The following ACTN1 variants were observed in gnomAD, a reference collection of about 807,000 sequenced individuals.
ACTN1 encodes alpha-actinin-1.
In ACTN1, 30 loss-of-function variants were observed where a neutral mutation model predicts 119.6. The ratio of observed to expected loss-of-function variants is 0.25; its 90% confidence interval spans 0.19 to 0.34. The LOEUF (loss-of-function observed/expected upper bound fraction) is 0.34, where lower values mean the gene tolerates loss of function less well. Ranked by LOEUF, ACTN1 falls within the 10% of genes least tolerant of loss-of-function variation. The pLI, the probability that ACTN1 is intolerant of heterozygous loss-of-function variation, is 1.00. For synonymous variants in ACTN1, 429 were observed against 472.6 expected (o/e 0.91, Z 1.20); for missense variants, 764 against 1,223.4 (o/e 0.62, Z 5.60).
At chr14:68,951,322 T>C (rs578150032) in intron 1 of ACTN1, among the ~76,000 whole-genome samples, 6 of 152,148 alleles carry the variant, frequency 3.9e-5, no homozygotes, top group African/African-American at 9.6e-5. Context: ...ACTCAGACTG[T>C]TATGGAGAAA....
At chr14:68,934,309 C>T (rs1201605784) in intron 1 of ACTN1, among the ~76,000 whole-genome samples, 1 of 152,236 alleles carries the variant, frequency 6.6e-6, no homozygotes, top group African/African-American at 2.4e-5. Context: ...CCGTAAGGGG[C>T]AGCGGGCGCG....
intron 8 of ACTN1, chr14:68,900,791 G>A (rs2033257963): frequency 6.6e-6 from 1 of 152,298 alleles, no homozygotes; most frequent in African/African-American, 2.4e-5. Flanking sequence ...AGGGCCTGCT[G>A]CTGGAGTGTC....
At chr14:68,927,016 G>C (rs1235881687) in intron 1 of ACTN1, among the ~76,000 whole-genome samples, 1 of 152,164 alleles carries the variant, frequency 6.6e-6, no homozygotes, top group East Asian at 1.9e-4. Flanking sequence ...TGTCTCACTA[G>C]TAACTTACCA....
At position 68,925,571 on chromosome 14, in the gene ACTN1, C is replaced by T. The variant is rs2034880592; in HGVS notation, c.207G>A (p.Leu69=). The T allele has an allele frequency of 1.2e-6, 2 of 1,612,330 alleles. No individual in the cohort carries two copies. The highest frequency in any genetic ancestry group is 3.3e-5 in the Admixed American group (2 of 59,824). ...GTTCCGCCTCACCTGAGATGACCTC[C>T]AGCAGCAGCATGAGCTTCAGGCCAT... ...FRDGLKLMLL[L]EVISGERLAK... is the part of the protein sequence containing the mutation. The change falls in exon 2 of 22, where the codon CTG becomes CTA. Residue 69 remains leucine (L), a synonymous_variant. Transcript: ENST00000394419. The surrounding 1 kb of genome is among the most constrained non-coding windows in gnomAD (Gnocchi z 4.3).
intron 1 of ACTN1, among the ~76,000 whole-genome samples, chr14:68,942,588 C>T (rs1340405899): frequency 6.6e-6 from 1 of 152,136 alleles, no homozygotes; most frequent in African/African-American, 2.4e-5. Flanking sequence ...CAGCTCAAAA[C>T]TAAAATGCAT....
Position 68,979,042 on chromosome 14 carries a change from A to G in ACTN1, c.15T>C (p.Asp5=), listed in dbSNP as rs1185235714. Residue 5 remains aspartate (D), a synonymous_variant, in exon 1 of 22, where the codon GAT becomes GAC. Transcript: ENST00000394419. ...GCATGTAATCGTTGGTTTGCTGAGA[A>G]TCATAATGGTCCATGATGGTGCGCG... MDHY[D]SQQTNDYMQP... The G allele has an allele frequency of 2.5e-6, 4 of 1,600,900 alleles. No homozygotes were observed. Among genetic ancestry groups the G allele is most frequent in the Admixed American group, 1.7e-5 (1 of 58,538 alleles).
At chr14:68,975,898 A>C (rs1042228887) in intron 1 of ACTN1, among the ~76,000 whole-genome samples, 24 of 152,054 alleles carry the variant, frequency 1.6e-4, no homozygotes, top group Non-Finnish European at 2.2e-4. Context: ...CCCTGCCTCC[A>C]CATCAGGCCA....
At chr14:68,978,302 G>A (rs775795361) in intron 1 of ACTN1, 16 of 442,146 alleles carry the variant, frequency 3.6e-5, no homozygotes, top group Non-Finnish European at 6.4e-5. Flanking sequence ...GCAATAAAAC[G>A]GTCTGCTGTC....
At chr14:68,976,234 C>T (rs551670489) in intron 1 of ACTN1, among the ~76,000 whole-genome samples, 1 of 152,182 alleles carries the variant, frequency 6.6e-6, no homozygotes, top group Admixed American at 6.5e-5. Flanking sequence ...TACCGGGTGA[C>T]CTTTGTATCC....
At chr14:68,931,669 T>C (rs1566650701) in intron 1 of ACTN1, among the ~76,000 whole-genome samples, 1 of 152,080 alleles carries the variant, frequency 6.6e-6, no homozygotes, top group Non-Finnish European at 1.5e-5. Flanking sequence ...AAAATGGGGA[T>C]GGTAATAGAA....
intron 3 of ACTN1, among the ~76,000 whole-genome samples, chr14:68,915,843 C>T (rs1160894385): frequency 1.3e-5 from 2 of 152,170 alleles, no homozygotes; most frequent in East Asian, 1.9e-4. Flanking sequence ...ATGGCGAAAC[C>T]CCGTCTCCAC....
chr14:68,964,592 C>T (rs1465253954), intron 1 of ACTN1, among the ~76,000 whole-genome samples: 2 of 152,184 alleles, frequency 1.3e-5, no homozygotes, highest in East Asian at 3.8e-4. Context: ...CCAGGCAGCC[C>T]TGAAATCAAA....
chr14:68,978,899 C>CGGGGCTGGGGGCTGG, intron 1 of ACTN1, 53 bp downstream of exon 1: 4 of 1,113,360 alleles, frequency 3.6e-6, no homozygotes, highest in Non-Finnish European at 5.1e-6. Flanking sequence ...CAGAGCGGGT[C>CGGGGCTGGGGGCTGG]GGGGCTGGGG....
rs36108835 is a variant in ACTN1, at chr14:68,925,318, CTTTT to C, written c.220+236_220+239del. ...GAAGGAACCTCAGTTCCTTCAAACC[CTTTT>C]TTTTTTTTTTTTTTTTTTTAAAACA... On this transcript the variant is annotated intron_variant, in intron 2 of 21. Transcript: ENST00000394419. This position sits in a 1 kb window ranked among gnomAD's most constrained non-coding sequence, Gnocchi z 4.3. Among the ~76,000 whole-genome samples, 6 of 121,232 alleles carry C rather than the reference CTTTT, an allele frequency of 4.9e-5. No individual in the cohort carries two copies. Among genetic ancestry groups the C allele is most frequent in the Non-Finnish European group, 6.7e-5 (4 of 60,066 alleles). 79.5% of individuals were successfully genotyped at this position (121,232 alleles called of 152,430 possible).
At chr14:68,884,942 C>T (rs2031867226) in intron 12 of ACTN1, 59 bp from the exon 13 acceptor site, 1 of 1,411,848 alleles carries the variant, frequency 7.1e-7, no homozygotes, top group Non-Finnish European at 1.0e-6. Context: ...GGCCCATCTC[C>T]CTCTCTCTGA....
chr14:68,952,129 A>G (rs1457968982), intron 1 of ACTN1, among the ~76,000 whole-genome samples: 1 of 152,218 alleles, frequency 6.6e-6, no homozygotes. Flanking sequence ...TCCGGGCCTC[A>G]GTTTCTTTAT....
At chr14:68,942,530 G>A (rs1322409707) in intron 1 of ACTN1, among the ~76,000 whole-genome samples, 1 of 152,202 alleles carries the variant, frequency 6.6e-6, no homozygotes, top group Non-Finnish European at 1.5e-5. Context: ...GAGCTGACTG[G>A]AGGAGGGGAG....
chr14:68,916,260 C>T (rs1034040633), intron 3 of ACTN1, among the ~76,000 whole-genome samples: 1 of 151,210 alleles, frequency 6.6e-6, no homozygotes, highest in Non-Finnish European at 1.5e-5. Flanking sequence ...TGCTGCCCCA[C>T]TCTGTGACGG....
At chr14:68,924,661 A>G (rs2034828558) in intron 2 of ACTN1, among the ~76,000 whole-genome samples, 1 of 152,224 alleles carries the variant, frequency 6.6e-6, no homozygotes, top group African/African-American at 2.4e-5. Flanking sequence ...GACTGCCAGG[A>G]AGAGCTGGGG....
Sources: allele counts gnomAD v4.1 joint callset (sites outside exome capture counted in the v4.1 genomes callset), GRCh38; gene constraint gnomAD v4.1.1; non-coding constraint Gnocchi (gnomAD v3.1); transcripts MANE v1.5; gene names NCBI Gene and HGNC (gene_info 2026-07-23, HGNC 2026-07-21).